ICOS: variants seen among roughly 807,000 people sequenced by gnomAD.
ICOS encodes inducible T cell costimulator.
Under a neutral mutation model 24.6 loss-of-function variants are expected in ICOS, and 15 were observed. That is an observed-to-expected ratio of 0.61 (90% confidence interval 0.41 to 0.94). The LOEUF (loss-of-function observed/expected upper bound fraction) is 0.94, where lower values mean the gene tolerates loss of function less well. ICOS is among the 40% of genes least tolerant of loss of function. ICOS has a pLI of 0.00. For synonymous variants in ICOS, 89 were observed against 77.5 expected, an observed-to-expected ratio of 1.15 and a Z score of -0.78; for missense variants, 200 against 233.0, an observed-to-expected ratio of 0.86 and a Z score of 0.92.
chr2:203,938,583 C>T (rs1446360640), intron 1 of ICOS, among the ~76,000 whole-genome samples: 3 of 152,200 alleles, frequency 2.0e-5, no homozygotes, highest in Non-Finnish European at 2.9e-5. Context: ...AACGTTGGTA[C>T]CATTCGTGGA....
intron 1 of ICOS, among the ~76,000 whole-genome samples, chr2:203,941,180 A>AT (rs144141876): frequency 2.6e-5 from 4 of 151,898 alleles, no homozygotes; most frequent in Admixed American, 6.6e-5. Context: ...CATTTCAGTC[A>AT]TTTTTTTCCT....
Position 203,959,767 on chromosome 2 carries a change from T to A in ICOS, c.*168T>A. On this transcript the variant is annotated 3_prime_UTR_variant, in exon 5 of 5. Coordinates refer to ENST00000316386, the MANE Select transcript of ICOS (RefSeq NM_012092.4). ...ATGACTGTATCAGTCAATGGGGATTTTAACAGACTGCCTTGGTACTGCCGA... is the reference window on the plus strand; with the variant it reads ...ATGACTGTATCAGTCAATGGGGATTATAACAGACTGCCTTGGTACTGCCGA... 1 of 723,558 alleles carries A rather than the reference T, an allele frequency of 1.4e-6. No homozygotes were observed. Among genetic ancestry groups the A allele is most frequent in the Non-Finnish European group, 2.5e-6 (1 of 406,818 alleles). 44.8% of individuals were successfully genotyped at this position (723,558 alleles called of 1,614,324 possible).
intron 1 of ICOS, among the ~76,000 whole-genome samples, chr2:203,954,518 AG>A (rs1469072736): frequency 6.6e-6 from 1 of 152,140 alleles, no homozygotes; most frequent in African/African-American, 2.4e-5. Flanking sequence ...GAGTCAAGGA[AG>A]TGGAGGCTAC....
At chr2:203,945,591 A>G (rs1006559083) in intron 1 of ICOS, among the ~76,000 whole-genome samples, 25 of 152,196 alleles carry the variant, frequency 1.6e-4, no homozygotes, top group African/African-American at 5.3e-4. Flanking sequence ...GGAGTAGCCT[A>G]TTGCTTCTAG....
intron 3 of ICOS, 36 bp downstream of exon 3, chr2:203,956,801 C>T (rs959788900): frequency 3.1e-6 from 4 of 1,301,732 alleles, no homozygotes; most frequent in Non-Finnish European, 4.5e-6. Flanking sequence ...ATCTGCTTTA[C>T]AGATGCACAT....
At chr2:203,954,954 C>G (rs931684211) in intron 1 of ICOS, among the ~76,000 whole-genome samples, 2 of 151,110 alleles carry the variant, frequency 1.3e-5, no homozygotes, top group African/African-American at 2.4e-5. Context: ...ACAAAGTGAG[C>G]AATTTCTATC....
intron 4 of ICOS, among the ~76,000 whole-genome samples, chr2:203,958,486 C>T (rs1307453704): frequency 1.3e-5 from 2 of 152,082 alleles, no homozygotes; most frequent in Non-Finnish European, 2.9e-5. Flanking sequence ...CTGAAAGTTG[C>T]CAAGTTTGAG....
At chr2:203,948,293 A>G (rs1246004976) in intron 1 of ICOS, among the ~76,000 whole-genome samples, 5 of 152,128 alleles carry the variant, frequency 3.3e-5, no homozygotes, top group African/African-American at 7.3e-5. Context: ...CTCTGGGATC[A>G]TGCCCCAGCT....
chr2:203,939,706 C>A (rs1031934474), intron 1 of ICOS, among the ~76,000 whole-genome samples: 2 of 152,176 alleles, frequency 1.3e-5, no homozygotes, highest in Admixed American at 1.3e-4. Context: ...CTCCTGAATT[C>A]CACTTGGGAA....
In ICOS at chr2:203,944,578, A is replaced by C. The variant is rs1385109402; in HGVS notation, c.58+7706A>C. ...GGCCCATTACAAAGATATTTACCAA[A>C]CATGCTTAGCCTTTATATTCTTCTG... is the stretch of plus-strand genomic sequence containing the variant. On this transcript the variant is annotated intron_variant, in intron 1 of 4. Coordinates refer to ENST00000316386, the MANE Select transcript of ICOS (RefSeq NM_012092.4). Among the ~76,000 whole-genome samples the C allele has an allele frequency of 4.7e-4, 72 of 152,288 alleles. 1 individual carries two copies. The highest frequency in any genetic ancestry group is 4.7e-3 in the Admixed American group (72 of 15,300).
At position 203,950,923 on chromosome 2, in the gene ICOS, G is replaced by A. The variant is rs976840067; in HGVS notation, c.59-4713G>A. Among the ~76,000 whole-genome samples, 3 of 78,478 alleles carry A rather than the reference G, an allele frequency of 3.8e-5. No homozygotes were observed. The East Asian group carries it at 1.1e-3, about 28-fold the overall frequency. The allele number at this position is 78,478 out of a possible 152,430, so 51.5% of individuals were successfully genotyped here. ...AAAAATACAAAAATTAGCTGAGCATGGTGGCATGTGACTGTAGTCCCAGCT... is the reference window on the plus strand; with the variant it reads ...AAAAATACAAAAATTAGCTGAGCATAGTGGCATGTGACTGTAGTCCCAGCT... On this transcript the variant is annotated intron_variant, in intron 1 of 4. Transcript: ENST00000316386.
At chr2:203,953,152 C>T (rs1300742875) in intron 1 of ICOS, among the ~76,000 whole-genome samples, 1 of 152,136 alleles carries the variant, frequency 6.6e-6, no homozygotes, top group Non-Finnish European at 1.5e-5. Context: ...AAGAATGTAA[C>T]TCTTTGGGGT....
chr2:203,952,371 C>G (rs986162040), intron 1 of ICOS, among the ~76,000 whole-genome samples: 5 of 152,176 alleles, frequency 3.3e-5, no homozygotes, highest in African/African-American at 9.7e-5. Context: ...TCTTTTAGCA[C>G]ATTGGAGGTA....
At chr2:203,940,806 C>T (rs745960790) in intron 1 of ICOS, among the ~76,000 whole-genome samples, 15 of 151,622 alleles carry the variant, frequency 9.9e-5, no homozygotes, top group African/African-American at 3.4e-4. Context: ...TTTTTTGAGG[C>T]GGAGTCTCAC....
At position 203,957,872 on chromosome 2, in the gene ICOS, C is replaced by G. The variant is rs144520938; in HGVS notation, c.575C>G (p.Ser192Cys). ...AGAGCAGTGAACACAGCCAAAAAAT[C>G]TAGACTCACAGGTATGACTCCATTT... is the stretch of plus-strand genomic sequence containing the variant. The part of the protein sequence containing the change: ...FMRAVNTAKK[S>C]RLTDVTL Residue 192 changes from serine (S) to cysteine (C), a missense_variant, in exon 4 of 5, where the codon TCT becomes TGT. By Grantham distance (112) the Ser-to-Cys change is moderately radical. Transcript: ENST00000316386. 1.2e-6 allele frequency: 2 copies of G among 1,606,602 alleles called. No homozygotes were observed. Among genetic ancestry groups the G allele is most frequent in the Non-Finnish European group, 1.7e-6 (2 of 1,173,516 alleles).
chr2:203,946,092 A>G (rs1191753243), intron 1 of ICOS, among the ~76,000 whole-genome samples: 1 of 152,192 alleles, frequency 6.6e-6, no homozygotes, highest in East Asian at 1.9e-4. Context: ...ATTTAATCTC[A>G]TATGATTTCC....
chr2:203,944,636 G>A (rs1377319405), intron 1 of ICOS, among the ~76,000 whole-genome samples: 2 of 152,100 alleles, frequency 1.3e-5, no homozygotes, highest in African/African-American at 2.4e-5. Context: ...ATATGATTGA[G>A]CTTCCACTAT....
At chr2:203,953,908 ATAAT>A (rs1397897910) in intron 1 of ICOS, among the ~76,000 whole-genome samples, 1 of 152,238 alleles carries the variant, frequency 6.6e-6, no homozygotes. Context: ...TTTGCTATAA[ATAAT>A]AAGTATGTTT....
Position 203,961,179 on chromosome 2 carries a change from A to G in ICOS, c.*1580A>G, listed in dbSNP as rs1196768498. On this transcript the variant is annotated 3_prime_UTR_variant, in exon 5 of 5. Coordinates refer to ENST00000316386, the MANE Select transcript of ICOS (RefSeq NM_012092.4). The stretch of plus-strand genomic sequence containing the variant: ...GCTTATAGTTTACAAGTGAGACCCG[A>G]TATGTCATTATGCATACTTATATTA... The G allele has an allele frequency of 6.6e-6, 1 of 152,110 alleles. No individual in the cohort carries two copies. The highest frequency in any genetic ancestry group is 1.5e-5 in the Non-Finnish European group (1 of 68,190). The allele number at this position is 152,110 out of a possible 1,614,324, so 9.4% of individuals were successfully genotyped here. A position where few individuals can be genotyped will look rare whatever the true frequency, so the allele number is the denominator to read the frequency against.
Sources: allele counts gnomAD v4.1 joint callset (sites outside exome capture counted in the v4.1 genomes callset), GRCh38; gene constraint gnomAD v4.1.1; transcripts MANE v1.5; gene names NCBI Gene and HGNC (gene_info 2026-07-23, HGNC 2026-07-21).